NRG1: variants seen among roughly 807,000 people sequenced by gnomAD.
The protein encoded by NRG1 is neuregulin 1.
NRG1 carries 18 observed loss-of-function variants against 63.8 expected under a neutral mutation model. The observed-to-expected ratio is 0.28, with a 90% confidence interval of 0.19 to 0.42. The LOEUF is 0.42. NRG1 is among the 10% of genes least tolerant of loss of function. NRG1 has a pLI of 1.00. For missense variants in NRG1, 762 were observed against 814.7 expected, an observed-to-expected ratio of 0.94 and a Z score of 0.79; for synonymous variants, 302 against 301.3, an observed-to-expected ratio of 1.00 and a Z score of -0.02.
Position 32,742,598 on chromosome 8 carries a change from A to G in NRG1, c.633-77A>G. ...AGTTTCAGTCAAATGACACTGAAGG[A>G]GCTTCTTTCTAGCATATATTCACCT... On this transcript the variant is annotated intron_variant, in intron 6 of 11. Transcript: ENST00000356819. The surrounding 1 kb of genome is among the most constrained non-coding windows in gnomAD (Gnocchi z 4.2). The G allele has an allele frequency of 1.5e-6, 2 of 1,335,534 alleles. No homozygotes were observed. Among genetic ancestry groups the G allele is most frequent in the Non-Finnish European group, 2.1e-6 (2 of 936,892 alleles). The allele number at this position is 1,335,534 out of a possible 1,614,324, so 82.7% of individuals were successfully genotyped here. A position where few individuals can be genotyped will look rare whatever the true frequency, so the allele number is the denominator to read the frequency against.
intron 6 of NRG1, among the ~76,000 whole-genome samples, chr8:32,740,402 G>T (rs1466088900): frequency 6.6e-6 from 1 of 151,902 alleles, no homozygotes; most frequent in Admixed American, 6.6e-5. Context: ...CGCCATGTTG[G>T]CCAGGCTGGT....
intron 1 of NRG1, among the ~76,000 whole-genome samples, chr8:32,383,997 G>A (rs1363077240): frequency 1.3e-5 from 2 of 152,206 alleles, no homozygotes; most frequent in Admixed American, 1.3e-4. Context: ...CATTTTGGGA[G>A]GCCAAGGAGG....
At chr8:32,506,594 A>G (rs530456644) in intron 1 of NRG1, among the ~76,000 whole-genome samples, 2 of 152,330 alleles carry the variant, frequency 1.3e-5, no homozygotes, top group African/African-American at 4.8e-5. Context: ...AAGTCGCAAT[A>G]CCCAAAGAAT....
At chr8:32,156,982 TC>T (rs1336202397) in intron 1 of NRG1, among the ~76,000 whole-genome samples, 2 of 151,824 alleles carry the variant, frequency 1.3e-5, no homozygotes, top group Non-Finnish European at 2.9e-5. Context: ...TTTGTAAAGA[TC>T]AACGCTAACA....
At chr8:32,197,316 G>A (rs1035695533) in intron 1 of NRG1, among the ~76,000 whole-genome samples, 1 of 152,018 alleles carries the variant, frequency 6.6e-6, no homozygotes, top group African/African-American at 2.4e-5. Context: ...GCATTCTCTT[G>A]TTCACCCACA....
intron 1 of NRG1, among the ~76,000 whole-genome samples, chr8:32,505,094 A>T (rs1207345296): frequency 6.6e-6 from 1 of 152,160 alleles, no homozygotes; most frequent in Non-Finnish European, 1.5e-5. Flanking sequence ...TTTGTCTGTT[A>T]CAGGGTTGCT....
At chr8:32,573,026 G>A (rs1437358523) in intron 1 of NRG1, among the ~76,000 whole-genome samples, 1 of 152,084 alleles carries the variant, frequency 6.6e-6, no homozygotes, top group Non-Finnish European at 1.5e-5. Context: ...ACCGAGTAAT[G>A]GCAACATTTA....
intron 1 of NRG1, among the ~76,000 whole-genome samples, chr8:32,087,526 G>A (rs1214656753): frequency 9.3e-5 from 10 of 107,948 alleles, no homozygotes; most frequent in African/African-American, 4.0e-4. Flanking sequence ...CTGTCACTCA[G>A]GCTGGAGTGG....
downstream of NRG1, among the ~76,000 whole-genome samples, chr8:32,770,479 C>T (rs925192745): frequency 5.9e-5 from 9 of 152,208 alleles, no homozygotes; most frequent in African/African-American, 2.2e-4. Flanking sequence ...TATTTTCAAC[C>T]TTTATGTATA....
intron 1 of NRG1, among the ~76,000 whole-genome samples, chr8:32,403,850 A>AAGT (rs1813568109): frequency 1.3e-5 from 2 of 152,164 alleles, no homozygotes; most frequent in Non-Finnish European, 2.9e-5. Context: ...AAAGTTTTAA[A>AAGT]AGTACAAAAA....
chr8:32,168,095 C>G (rs1839595188), intron 1 of NRG1, among the ~76,000 whole-genome samples: 1 of 152,132 alleles, frequency 6.6e-6, no homozygotes, highest in South Asian at 2.1e-4. Context: ...CATGCTAACA[C>G]ATTCAATAAT....
intron 1 of NRG1, among the ~76,000 whole-genome samples, chr8:32,591,306 C>A (rs1042965874): frequency 2.0e-5 from 3 of 152,050 alleles, no homozygotes; most frequent in African/African-American, 7.2e-5. Flanking sequence ...GAACTATGTG[C>A]AAGAGAGAGA....
At chr8:32,763,029 G>A (rs527760153) in intron 11 of NRG1, among the ~76,000 whole-genome samples, 12 of 152,280 alleles carry the variant, frequency 7.9e-5, no homozygotes, top group African/African-American at 2.9e-4. Flanking sequence ...AACCTCCATT[G>A]TGGTAACTGT....
In NRG1 at chr8:32,492,033, T is replaced by C. The variant is rs377159888; in HGVS notation, c.38-103795T>C. ...GAATATCATGTATTCTACACAAAGCTACATTTTCAATATAATCCCCGTAAT... is the reference window on the plus strand; with the variant it reads ...GAATATCATGTATTCTACACAAAGCCACATTTTCAATATAATCCCCGTAAT... On this transcript the variant is annotated intron_variant, in intron 1 of 10. Transcript: ENST00000519301. Among the ~76,000 whole-genome samples, 13 of 152,218 alleles carry C rather than the reference T, an allele frequency of 8.5e-5. No individual in the cohort carries two copies. In the South Asian group the frequency reaches 2.7e-3, roughly 32 times the overall value.
intron 1 of NRG1, among the ~76,000 whole-genome samples, chr8:32,312,006 T>C (rs1856850625): frequency 6.6e-6 from 1 of 152,142 alleles, no homozygotes; most frequent in South Asian, 2.1e-4. Context: ...CTGTTTACAC[T>C]GAGATGTGTT....
rs1046175905 is a variant in NRG1 at position 32,679,462 on chromosome 8, A to T, written c.503-48487A>T. Among the ~76,000 whole-genome samples the T allele has an allele frequency of 4.6e-5, 7 of 152,166 alleles. No individual in the cohort carries two copies. In the South Asian group the frequency reaches 6.2e-4, roughly 13 times the overall value. ...ATTAACTATCTTTGCATCATAATAT[A>T]GTTATCTTTCTCAAAAAAATTAAGC... On this transcript the variant is annotated intron_variant, in intron 5 of 11. Transcript: ENST00000356819.
chr8:32,405,945 A>G lies in NRG1; in HGVS notation c.38-189883A>G, dbSNP rs201221073. Among the ~76,000 whole-genome samples the G allele has an allele frequency of 1.2e-4, 18 of 152,314 alleles. No individual in the cohort carries two copies. In the East Asian group the frequency reaches 3.3e-3, roughly 28 times the overall value. ...ATGGTATAATGTGAATTTGTCATTG[A>G]CAAGTGTTACAAAAAAGACGCATAG... On this transcript the variant is annotated intron_variant, in intron 1 of 10. Transcript: ENST00000519301.
intron 2 of NRG1, among the ~76,000 whole-genome samples, chr8:32,598,645 A>T (rs1325476437): frequency 6.6e-6 from 1 of 152,158 alleles, no homozygotes; most frequent in Non-Finnish European, 1.5e-5. Context: ...TATTGAAGTG[A>T]TGCAACCATA....
At chr8:31,861,059 C>T (rs550801089) in intron 1 of NRG1, among the ~76,000 whole-genome samples, 122 of 152,232 alleles carry the variant, frequency 8.0e-4, no homozygotes, top group African/African-American at 2.6e-3. Flanking sequence ...GTGACCACAC[C>T]GATAGAGTGG....
Sources: allele counts gnomAD v4.1 joint callset (sites outside exome capture counted in the v4.1 genomes callset), GRCh38; gene constraint gnomAD v4.1.1; non-coding constraint Gnocchi (gnomAD v3.1); transcripts MANE v1.5; gene names NCBI Gene and HGNC (gene_info 2026-07-23, HGNC 2026-07-21).